DOK7: variants seen among roughly 807,000 people sequenced by gnomAD.
The protein encoded by DOK7 is protein Dok-7.
In DOK7, 32 loss-of-function variants were observed where a neutral mutation model predicts 30.7. The observed-to-expected ratio is 1.04, with a 90% CI of 0.79 to 1.40. The LOEUF is 1.40. Ranked by LOEUF, DOK7 falls within the 40% of genes most tolerant of loss-of-function variation. The pLI, the probability that DOK7 is intolerant of heterozygous loss-of-function variation, is 0.00. For synonymous variants in DOK7, 447 were observed against 324.1 expected (o/e 1.38, Z -4.07); for missense variants, 1,007 against 699.2 (o/e 1.44, Z -4.97).
intron 2 of DOK7, 32 bp downstream of exon 2, chr4:3,463,583 G>A (rs1577134966): frequency 3.3e-6 from 5 of 1,511,904 alleles, no homozygotes; most frequent in Non-Finnish European, 4.4e-6. Context: ...CGGGGGGCGC[G>A]GGGGTAGCGA....
At chr4:3,474,131 G>A (rs1726932577) in intron 3 of DOK7, among the ~76,000 whole-genome samples, 1 of 152,204 alleles carries the variant, frequency 6.6e-6, no homozygotes. Flanking sequence ...TCCCAGCCCT[G>A]CAGGGGCTTC....
In DOK7 at chr4:3,468,758, G is replaced by A. The variant is rs550954426; in HGVS notation, c.101-4648G>A. Among the ~76,000 whole-genome samples, 10 of 113,346 alleles carry A rather than the reference G, an allele frequency of 8.8e-5. No homozygotes were observed. The East Asian group carries it at 1.8e-3, about 20-fold the overall frequency. The allele number at this position is 113,346 out of a possible 152,430, so 74.4% of individuals were successfully genotyped here. A position where few individuals can be genotyped will look rare whatever the true frequency, so the allele number is the denominator to read the frequency against. On this transcript the variant is annotated intron_variant, in intron 2 of 6. Coordinates refer to ENST00000340083, the MANE Select transcript of DOK7 (RefSeq NM_173660.5). Reference sequence around the variant, plus strand: ...TCTGCCTGTGTATGTGTCTGTGTGCGTGTGTGTGTGCATGTATGTGTGCCT... The same window carrying A: ...TCTGCCTGTGTATGTGTCTGTGTGCATGTGTGTGTGCATGTATGTGTGCCT...
intron 3 of DOK7, among the ~76,000 whole-genome samples, chr4:3,475,961 C>T (rs2109341111): frequency 6.6e-6 from 1 of 152,180 alleles, no homozygotes; most frequent in East Asian, 1.9e-4. Flanking sequence ...CCCCCAGGCC[C>T]CCTCGTGGCT....
Position 3,476,181 on chromosome 4 carries a change from CTCGATGCCCTCTCACCT to C in DOK7, c.332-160_332-144del, listed in dbSNP as rs1560212122. 4.1e-3 allele frequency among the ~76,000 whole-genome samples: 530 copies of C among 128,458 alleles called. 3 individuals carry two copies. Among genetic ancestry groups the C allele is most frequent in the Non-Finnish European group, 5.7e-3 (321 of 56,644 alleles). 84.3% of individuals were successfully genotyped at this position (128,458 alleles called of 152,430 possible). A position where few individuals can be genotyped will look rare whatever the true frequency, so the allele number is the denominator to read the frequency against. ...GTGATGCCCTCTCGCCCCGCCCACCCTCGATGCCCTCTCACCTCACCCGCCCATGATGCCCTCTCGCC... is the reference window on the plus strand; with the variant it reads ...GTGATGCCCTCTCGCCCCGCCCACCCCACCCGCCCATGATGCCCTCTCGCC... On this transcript the variant is annotated intron_variant, in intron 3 of 6. Coordinates refer to ENST00000340083, the MANE Select transcript of DOK7 (RefSeq NM_173660.5).
chr4:3,466,524 G>T (rs1726275498), intron 2 of DOK7, among the ~76,000 whole-genome samples: 1 of 152,292 alleles, frequency 6.6e-6, no homozygotes, highest in Middle Eastern at 3.4e-3. Context: ...CTGCCCCAAC[G>T]GACTGGGGCT....
downstream of DOK7, among the ~76,000 whole-genome samples, chr4:3,495,754 T>C (rs1728871666): frequency 6.6e-6 from 1 of 152,032 alleles, no homozygotes. Context: ...GGACCTTCGC[T>C]GGTTCGGGCT....
chr4:3,493,303 C>A lies in DOK7; in HGVS notation c.1317C>A (p.Ser439=). ...SAARDSGGQT[S]AGCPSGWLGT... Reference sequence around the variant, plus strand: ...CCAGGGACTCAGGCGGCCAGACGTCCGCCGGGTGTCCCTCTGGCTGGCTGG... The same window carrying A: ...CCAGGGACTCAGGCGGCCAGACGTCAGCCGGGTGTCCCTCTGGCTGGCTGG... Residue 439 remains serine, a synonymous_variant, in exon 7 of 7, where the codon TCC becomes TCA. Transcript: ENST00000340083. 1 of 1,606,308 alleles carries A rather than the reference C, an allele frequency of 6.2e-7. No individual in the cohort carries two copies. Among genetic ancestry groups the A allele is most frequent in the Non-Finnish European group, 8.5e-7 (1 of 1,176,896 alleles).
At position 3,492,066 on chromosome 4, in the gene DOK7, C is replaced by A. The variant is rs149388066; in HGVS notation, c.773-693C>A. ...CCTGGGGGTGACTCACAGCTGCTTT[C>A]CATTTGGGAGCCCTGGAAGGCAGAG... is the stretch of plus-strand genomic sequence containing the variant. On this transcript the variant is annotated intron_variant, in intron 6 of 6. Coordinates refer to ENST00000340083, the MANE Select transcript of DOK7 (RefSeq NM_173660.5). Among the ~76,000 whole-genome samples, 55 of 152,306 alleles carry A rather than the reference C, an allele frequency of 3.6e-4. 3 individuals are homozygous for A. The East Asian group carries it at 0.011, about 29-fold the overall frequency.
chr4:3,493,444 G>C lies in DOK7; in HGVS notation c.1458G>C (p.Pro486=). The change falls in exon 7 of 7, where the codon CCG becomes CCC. Residue 486 remains proline (P), a synonymous_variant. Transcript: ENST00000340083. ...EAGGPHAGPP[P]AFFSACPVCG... ...GCGGCCCCCACGCGGGGCCACCCCC[G>C]GCTTTCTTTTCGGCATGTCCAGTCT... is the stretch of plus-strand genomic sequence containing the variant. The C allele has an allele frequency of 2.5e-6, 4 of 1,608,166 alleles. No homozygotes were observed. The Admixed American group carries it at 5.0e-5, about 20-fold the overall frequency.
intron 2 of DOK7, among the ~76,000 whole-genome samples, chr4:3,469,990 C>T (rs932660701): frequency 6.6e-6 from 1 of 152,124 alleles, no homozygotes; most frequent in Non-Finnish European, 1.5e-5. Context: ...TTCCTGTGGC[C>T]GACAGAAGAA....
intron 2 of DOK7, 79 bp downstream of exon 2, chr4:3,463,630 T>A (rs1316943638): frequency 6.7e-7 from 1 of 1,499,666 alleles, no homozygotes; most frequent in East Asian, 2.5e-5. Flanking sequence ...AATGCCAGCT[T>A]GCCCAAAATC....
chr4:3,495,244 C>T (rs575330926), downstream of DOK7, among the ~76,000 whole-genome samples: 2 of 152,360 alleles, frequency 1.3e-5, no homozygotes, highest in Admixed American at 6.5e-5. Context: ...GCTGTCACCT[C>T]CGGAGGTGGC....
chr4:3,496,931 G>A (rs141318050), downstream of DOK7: 145 of 701,090 alleles, frequency 2.1e-4, no homozygotes, highest in Non-Finnish European at 2.9e-4. Context: ...GGCGCAGATG[G>A]CAGCCAGAGT....
rs140475379 is a variant in DOK7, at chr4:3,494,092, C to T, written c.*591C>T. ...CTTGCGGGGTCTCTGGGTTCTGGGC[C>T]CCACTGTTCCCCAGTGAAGCCCTTG... is the stretch of plus-strand genomic sequence containing the variant. On this transcript the variant is annotated 3_prime_UTR_variant, in exon 7 of 7. Coordinates refer to ENST00000340083, the MANE Select transcript of DOK7 (RefSeq NM_173660.5). The T allele has an allele frequency of 5.7e-4, 558 of 986,362 alleles. 1 individual carries two copies. In the African/African-American group the frequency reaches 9.1e-3, roughly 16 times the overall value. 61.1% of individuals were successfully genotyped at this position (986,362 alleles called of 1,614,324 possible). A position where few individuals can be genotyped will look rare whatever the true frequency, so the allele number is the denominator to read the frequency against.
chr4:3,463,658 G>A (rs953463337), intron 2 of DOK7, 107 bp downstream of exon 2: 3 of 1,403,778 alleles, frequency 2.1e-6, no homozygotes, highest in African/African-American at 1.4e-5. Flanking sequence ...CTGTCACCCC[G>A]CCGGGAAACC....
At chr4:3,490,614 G>GCTCCCCCCTGCTCC (rs1560227513) in intron 6 of DOK7, among the ~76,000 whole-genome samples, 1 of 32,264 alleles carries the variant, frequency 3.1e-5, no homozygotes, top group Non-Finnish European at 5.0e-5. Flanking sequence ...CTCCCTGCTC[G>GCTCCCCCCTGCTCC]TTCATTCCTT....
rs563698789 is a variant in DOK7 at position 3,499,720 on chromosome 4, G to A, written c.1109-531G>A. ...CTGGGTGTCCTGGAGGGGATGCAGA[G>A]GGAGCGTGGGCCTGTGTGCAGGAGA... On this transcript the variant is annotated intron_variant, in intron 6 of 7. Transcript: ENST00000643608. Among the ~76,000 whole-genome samples, 223 of 152,226 alleles carry A rather than the reference G, an allele frequency of 1.5e-3. 5 individuals carry two copies. Among genetic ancestry groups the A allele is most frequent in the Admixed American group, 0.014 (209 of 15,298 alleles).
downstream of DOK7, chr4:3,496,927 G>A (rs1243360629): frequency 2.5e-5 from 26 of 1,025,696 alleles, no homozygotes; most frequent in Non-Finnish European, 3.2e-5. Flanking sequence ...GGTGGGCGCA[G>A]ATGGCAGCCA....
At chr4:3,489,345 AT>A (rs1280125608) in intron 5 of DOK7, among the ~76,000 whole-genome samples, 2 of 152,110 alleles carry the variant, frequency 1.3e-5, no homozygotes, top group Non-Finnish European at 2.9e-5. Context: ...GGGGCTGGTC[AT>A]TTTTTGGAAC....
Sources: gnomAD v4.1 joint callset for allele counts (sites outside exome capture counted in the v4.1 genomes callset) on GRCh38, gnomAD v4.1.1 for gene constraint, MANE v1.5 for transcripts, NCBI Gene and HGNC (gene_info 2026-07-23, HGNC 2026-07-21) for gene names.